DSCAML1: variants seen among roughly 807,000 people sequenced by gnomAD.
The protein encoded by DSCAML1 is DS cell adhesion molecule like 1.
DSCAML1 carries 38 observed loss-of-function variants against 200.5 expected under a neutral mutation model. That is an observed-to-expected ratio of 0.19 (90% CI 0.15 to 0.25). The LOEUF (loss-of-function observed/expected upper bound fraction) is 0.25, where lower values mean the gene tolerates loss of function less well. DSCAML1 is among the 10% of genes least tolerant of loss of function. DSCAML1 has a pLI of 1.00. For synonymous variants in DSCAML1, 1,215 were observed against 1,165.0 expected (o/e 1.04, Z -0.87); for missense variants, 2,223 against 2,858.8 (o/e 0.78, Z 5.07).
chr11:117,504,558 A>G lies in DSCAML1; in HGVS notation c.2182+366T>C, dbSNP rs1024071489. Among the ~76,000 whole-genome samples, 6 of 152,222 alleles carry G rather than the reference A, an allele frequency of 3.9e-5. No homozygotes were observed. The highest frequency in any genetic ancestry group is 5.9e-5 in the Non-Finnish European group (4 of 68,004). On this transcript the variant is annotated intron_variant, in intron 10 of 32. Coordinates refer to ENST00000651296, the MANE Select transcript of DSCAML1 (RefSeq NM_020693.4). This position sits in a 1 kb window ranked among gnomAD's most constrained non-coding sequence, Gnocchi z 5.0. ...AAATTGGGCTCCAAGAAGGACCCTGACCCCAGAAAAGGTTGACTGGTGAGA... is the reference window on the plus strand; with the variant it reads ...AAATTGGGCTCCAAGAAGGACCCTGGCCCCAGAAAAGGTTGACTGGTGAGA...
At chr11:117,581,454 C>T (rs954602662) in intron 3 of DSCAML1, among the ~76,000 whole-genome samples, 1 of 152,136 alleles carries the variant, frequency 6.6e-6, no homozygotes, top group Non-Finnish European at 1.5e-5. Context: ...CTGTTGTCGG[C>T]CCCTCTCCCC....
chr11:117,507,374 C>T (rs569287405), intron 8 of DSCAML1, among the ~76,000 whole-genome samples: 10 of 152,264 alleles, frequency 6.6e-5, no homozygotes, highest in South Asian at 4.1e-4. Flanking sequence ...GGGGCAAAGA[C>T]GGATGGCATC....
intron 11 of DSCAML1, among the ~76,000 whole-genome samples, chr11:117,487,182 C>T (rs1240873713): frequency 6.6e-6 from 1 of 151,998 alleles, no homozygotes; most frequent in Non-Finnish European, 1.5e-5. Flanking sequence ...GCCTCAGCCT[C>T]CCAAAGTGCT....
intron 8 of DSCAML1, among the ~76,000 whole-genome samples, chr11:117,508,294 G>A (rs868518640): frequency 2.0e-5 from 3 of 152,072 alleles, no homozygotes; most frequent in African/African-American, 7.2e-5. Context: ...GTCCACACCT[G>A]GATTAGGGCA....
In DSCAML1 at chr11:117,482,022, C is replaced by G. The variant is rs768108077; in HGVS notation, c.2500G>C (p.Val834Leu). ...TTGGTGGCGATGGCATACCGCATGACGCGGTCAGGGTCGATGACTGTGTCC... is the reference window on the plus strand; with the variant it reads ...TTGGTGGCGATGGCATACCGCATGAGGCGGTCAGGGTCGATGACTGTGTCC... ...KGDTVIDPDR[V>L]MRYAIATKDN... Residue 834 changes from valine (V) to leucine (L), a missense_variant, in exon 12 of 33, where the codon GTC becomes CTC. Val to Leu is a conservative substitution (Grantham distance 32). Around this residue, in one of 7 missense-constraint regions of DSCAML1, gnomAD observed 438 missense variants for 629.7 expected, o/e 0.70. Coordinates refer to ENST00000651296, the MANE Select transcript of DSCAML1 (RefSeq NM_020693.4). 27 of 1,614,186 alleles carry G rather than the reference C, an allele frequency of 1.7e-5. No individual in the cohort carries two copies. The highest frequency in any genetic ancestry group is 2.2e-5 in the Non-Finnish European group (26 of 1,180,008).
At chr11:117,547,736 T>C (rs1420913088) in intron 3 of DSCAML1, among the ~76,000 whole-genome samples, 1 of 152,234 alleles carries the variant, frequency 6.6e-6, no homozygotes, top group Non-Finnish European at 1.5e-5. Context: ...ATTCTCACTA[T>C]AGCCAGACAG....
chr11:117,493,900 T>A (rs988605240), intron 11 of DSCAML1, among the ~76,000 whole-genome samples: 14 of 152,204 alleles, frequency 9.2e-5, no homozygotes, highest in African/African-American at 3.4e-4. Flanking sequence ...AATGGTGGGA[T>A]TACAGGTGTG....
chr11:117,538,227 C>A (rs1171362780), intron 3 of DSCAML1, among the ~76,000 whole-genome samples: 1 of 152,218 alleles, frequency 6.6e-6, no homozygotes, highest in African/African-American at 2.4e-5. Context: ...TCTTCACACT[C>A]ATTGACAATT....
At chr11:117,716,729 C>T (rs950399134) in intron 3 of DSCAML1, among the ~76,000 whole-genome samples, 3 of 152,094 alleles carry the variant, frequency 2.0e-5, no homozygotes, top group African/African-American at 7.2e-5. Context: ...AAGAAAACAC[C>T]AAAAGGAGAT....
At chr11:117,796,421 G>A (rs2055577032) in intron 1 of DSCAML1, among the ~76,000 whole-genome samples, 1 of 152,226 alleles carries the variant, frequency 6.6e-6, no homozygotes, top group African/African-American at 2.4e-5. Flanking sequence ...GCCGGGGGAG[G>A]GTGACCTCTG....
At chr11:117,597,215 C>G (rs1039908567) in intron 3 of DSCAML1, among the ~76,000 whole-genome samples, 1 of 152,188 alleles carries the variant, frequency 6.6e-6, no homozygotes. Flanking sequence ...CACACAACAG[C>G]TGACTAGAGG....
chr11:117,779,682 C>G (rs910696499), intron 2 of DSCAML1, among the ~76,000 whole-genome samples: 1 of 152,156 alleles, frequency 6.6e-6, no homozygotes, highest in Admixed American at 6.5e-5. Flanking sequence ...ACAATATACA[C>G]CGTTGGACAC....
intron 3 of DSCAML1, among the ~76,000 whole-genome samples, chr11:117,638,033 C>A (rs1234175571): frequency 6.6e-6 from 1 of 152,260 alleles, no homozygotes; most frequent in Middle Eastern, 3.4e-3. Flanking sequence ...AGGACATTAG[C>A]TCTGTGGAGG....
rs894385766 is a variant in DSCAML1, at chr11:117,480,087, G to C, written c.2785+356C>G. Among the ~76,000 whole-genome samples, 1 of 152,172 alleles carries C rather than the reference G, an allele frequency of 6.6e-6. No homozygotes were observed. The highest frequency in any genetic ancestry group is 6.5e-5 in the Admixed American group (1 of 15,282). ...CAGACCAGGAGCACCCATATGACCT[G>C]GCCAAACCCGTGATGCTTCTGATGC... On this transcript the variant is annotated intron_variant, in intron 14 of 32. Transcript: ENST00000651296. The surrounding 1 kb of genome is among the most constrained non-coding windows in gnomAD (Gnocchi z 4.1).
At position 117,651,891 on chromosome 11, in the gene DSCAML1, G is replaced by A. The variant is rs371629391; in HGVS notation, c.512-119369C>T. The stretch of plus-strand genomic sequence containing the variant: ...GCAGAAATAGGTTCAGGGAAACAGC[G>A]GGGATGACAATGCCTACTCTGCAAG... On this transcript the variant is annotated intron_variant, in intron 3 of 32. Transcript: ENST00000651296. Among the ~76,000 whole-genome samples, 15 of 152,186 alleles carry A rather than the reference G, an allele frequency of 9.9e-5. No individual in the cohort carries two copies. In the South Asian group the frequency reaches 2.3e-3, roughly 23 times the overall value.
intron 1 of DSCAML1, among the ~76,000 whole-genome samples, chr11:117,810,890 C>T (rs1022965011): frequency 6.6e-6 from 1 of 152,148 alleles, no homozygotes; most frequent in African/African-American, 2.4e-5. Context: ...CCCGCCTGTC[C>T]CCTCAGTCCC....
intron 3 of DSCAML1, among the ~76,000 whole-genome samples, chr11:117,747,763 C>A (rs945497010): frequency 6.6e-6 from 1 of 152,178 alleles, no homozygotes; most frequent in Non-Finnish European, 1.5e-5. Context: ...CCCAATCTCA[C>A]AATCGTGCTG....
chr11:117,444,134 G>A, intron 20 of DSCAML1, 95 bp from the exon 21 acceptor site: 2 of 1,413,360 alleles, frequency 1.4e-6, no homozygotes, highest in Non-Finnish European at 1.9e-6. Flanking sequence ...GGAGAGGATG[G>A]CGGGGTCGGA....
intron 3 of DSCAML1, among the ~76,000 whole-genome samples, chr11:117,727,203 T>A (rs1311055804): frequency 6.6e-6 from 1 of 152,182 alleles, no homozygotes; most frequent in African/African-American, 2.4e-5. Context: ...GGGATTTGAA[T>A]CCTGGTTTGA....
Sources: gnomAD v4.1 joint callset for allele counts (sites outside exome capture counted in the v4.1 genomes callset) on GRCh38, gnomAD v4.1.1 for gene constraint, gnomAD v4.1.1 regional missense constraint, Gnocchi (gnomAD v3.1) non-coding constraint, MANE v1.5 for transcripts, NCBI Gene and HGNC (gene_info 2026-07-23, HGNC 2026-07-21) for gene names.